AFF1: variants seen among roughly 807,000 people sequenced by gnomAD.
The protein encoded by AFF1 is AF4/FMR2 family member 1.
AFF1 carries 48 observed loss-of-function variants against 121.7 expected under a neutral mutation model. That is an observed-to-expected ratio of 0.39 (90% CI 0.31 to 0.50). The LOEUF is 0.50. AFF1 is among the 20% of genes least tolerant of loss of function. AFF1 has a pLI of 0.76. For synonymous variants in AFF1, 613 were observed against 563.0 expected (o/e 1.09, Z -1.26); for missense variants, 1,523 against 1,511.7 (o/e 1.01, Z -0.12).
chr4:87,056,647 A>G (rs1720173242), intron 4 of AFF1, among the ~76,000 whole-genome samples: 1 of 152,218 alleles, frequency 6.6e-6, no homozygotes, highest in Non-Finnish European at 1.5e-5. Flanking sequence ...AGAAGGATTC[A>G]TATTTTTACA....
intron 2 of AFF1, among the ~76,000 whole-genome samples, chr4:86,969,146 A>G (rs1320176468): frequency 1.4e-5 from 2 of 144,100 alleles, no homozygotes; most frequent in Admixed American, 7.0e-5. Flanking sequence ...TCTTGACCAG[A>G]GGGTGCATTT....
At chr4:87,044,705 C>T (rs971724655) in intron 2 of AFF1, among the ~76,000 whole-genome samples, 2 of 151,996 alleles carry the variant, frequency 1.3e-5, no homozygotes, top group Non-Finnish European at 2.9e-5. Context: ...AGTCATACTT[C>T]CTAGGGAAGC....
At chr4:86,945,760 G>C (rs899427536) in intron 1 of AFF1, among the ~76,000 whole-genome samples, 1 of 151,870 alleles carries the variant, frequency 6.6e-6, no homozygotes, top group East Asian at 1.9e-4. Flanking sequence ...CCAAAGTGTT[G>C]GGATTACAGG....
At position 87,136,756 on chromosome 4, in the gene AFF1, TC is replaced by T; in HGVS notation, c.*1056del. 1 of 227,416 alleles carries T rather than the reference TC, an allele frequency of 4.4e-6. No individual in the cohort carries two copies. The highest frequency in any genetic ancestry group is 6.3e-5 in the East Asian group (1 of 15,784). The allele number at this position is 227,416 out of a possible 1,614,324, so 14.1% of individuals were successfully genotyped here. The stretch of plus-strand genomic sequence containing the variant: ...TCGTCAGTGAACAAGAAACATGAAA[TC>T]TGCTTCTTAGAGAGGCTATATTTTT... On this transcript the variant is annotated 3_prime_UTR_variant, in exon 21 of 21. Coordinates refer to ENST00000395146, the MANE Select transcript of AFF1 (RefSeq NM_001166693.3).
In AFF1 at chr4:87,121,691, A is replaced by G. The variant is rs370452947; in HGVS notation, c.2467-3346A>G. Among the ~76,000 whole-genome samples, 6 of 152,372 alleles carry G rather than the reference A, an allele frequency of 3.9e-5. No homozygotes were observed. The East Asian group carries it at 9.6e-4, about 24-fold the overall frequency. On this transcript the variant is annotated intron_variant, in intron 12 of 20. Coordinates refer to ENST00000395146, the MANE Select transcript of AFF1 (RefSeq NM_001166693.3). ...TTGATGGCTTCCTTTCTACCAGCTTATAGAATATTATCTGCTTCTAGGTTG... is the reference window on the plus strand; with the variant it reads ...TTGATGGCTTCCTTTCTACCAGCTTGTAGAATATTATCTGCTTCTAGGTTG...
At chr4:86,987,813 CATG>C (rs1724404978) in intron 2 of AFF1, among the ~76,000 whole-genome samples, 1 of 151,918 alleles carries the variant, frequency 6.6e-6, no homozygotes, top group Non-Finnish European at 1.5e-5. Context: ...ATTAGCTGGG[CATG>C]GTGGCACACG....
intron 2 of AFF1, among the ~76,000 whole-genome samples, chr4:86,953,782 C>T (rs755023648): frequency 2.6e-5 from 4 of 151,870 alleles, no homozygotes; most frequent in Admixed American, 1.3e-4. Context: ...TGCAATGGCG[C>T]GATCTCGGCT....
At chr4:87,096,163 T>C (rs1458734727) in intron 8 of AFF1, among the ~76,000 whole-genome samples, 1 of 152,160 alleles carries the variant, frequency 6.6e-6, no homozygotes, top group African/African-American at 2.4e-5. Flanking sequence ...TTTTGTTTTT[T>C]TGGTCTGAAA....
chr4:87,036,837 T>TCCCCCCC (rs757984901), intron 2 of AFF1: 5 of 475,360 alleles, frequency 1.1e-5, no homozygotes, highest in Non-Finnish European at 1.7e-5. Flanking sequence ...CCCTCCCCCA[T>TCCCCCCC]CCCCCCTTTT....
intron 2 of AFF1, among the ~76,000 whole-genome samples, chr4:86,950,270 C>G (rs1174276260): frequency 6.6e-6 from 1 of 152,152 alleles, no homozygotes; most frequent in East Asian, 1.9e-4. Context: ...CCTCTGCCTC[C>G]CGGGTTCAAG....
rs59965332 is a variant in AFF1, at chr4:86,987,868, G to A, written c.38+39297G>A. On this transcript the variant is annotated intron_variant, in intron 2 of 20. Coordinates refer to ENST00000395146, the MANE Select transcript of AFF1 (RefSeq NM_001166693.3). Reference sequence around the variant, plus strand: ...CTCGGGAGGCTGAGGTAGGAGGATCGCCTGAGCCCAGGAGGTGGAGATTGC... The same window carrying A: ...CTCGGGAGGCTGAGGTAGGAGGATCACCTGAGCCCAGGAGGTGGAGATTGC... Among the ~76,000 whole-genome samples, 864 of 151,642 alleles carry A rather than the reference G, an allele frequency of 5.7e-3. 10 individuals carry two copies. Among genetic ancestry groups the A allele is most frequent in the African/African-American group, 0.02 (827 of 41,324 alleles).
intron 2 of AFF1, among the ~76,000 whole-genome samples, chr4:87,017,226 TTGAAC>T (rs1390176059): frequency 3.9e-5 from 6 of 152,176 alleles, no homozygotes; most frequent in Non-Finnish European, 7.4e-5. Context: ...TAGCCTAACT[TTGAAC>T]TGATCTAATT....
At chr4:87,118,481 A>C (rs901057242) in intron 12 of AFF1, among the ~76,000 whole-genome samples, 51 of 152,168 alleles carry the variant, frequency 3.4e-4, no homozygotes, top group Non-Finnish European at 8.8e-5. Flanking sequence ...TTTTCTTTTA[A>C]AATTTTTTTA....
intron 7 of AFF1, among the ~76,000 whole-genome samples, chr4:87,094,464 GC>G (rs942197385): frequency 4.6e-5 from 7 of 152,204 alleles, no homozygotes; most frequent in African/African-American, 1.7e-4. Context: ...TGAATGAATT[GC>G]AGGTGGGGAG....
intron 2 of AFF1, among the ~76,000 whole-genome samples, chr4:86,952,599 G>A (rs894046926): frequency 2.6e-5 from 4 of 151,104 alleles, no homozygotes. Flanking sequence ...AAACCTGCAT[G>A]TTCTGCACGT....
intron 2 of AFF1, among the ~76,000 whole-genome samples, chr4:86,960,737 T>C (rs1451313173): frequency 6.6e-6 from 1 of 152,142 alleles, no homozygotes; most frequent in East Asian, 1.9e-4. Flanking sequence ...CAGTAAACTC[T>C]CGTTGTGTAG....
At chr4:87,043,143 C>T (rs770270188) in intron 2 of AFF1, among the ~76,000 whole-genome samples, 1 of 152,094 alleles carries the variant, frequency 6.6e-6, no homozygotes, top group Non-Finnish European at 1.5e-5. Flanking sequence ...TTAGAAGGGG[C>T]GGAGCTCTGC....
chr4:86,972,270 A>G (rs906909541), intron 2 of AFF1, among the ~76,000 whole-genome samples: 1 of 151,522 alleles, frequency 6.6e-6, no homozygotes, highest in Non-Finnish European at 1.5e-5. Flanking sequence ...ATGGTCTGTT[A>G]TAGCTGAGGT....
intron 2 of AFF1, among the ~76,000 whole-genome samples, chr4:86,992,791 G>C (rs1724830295): frequency 6.6e-6 from 1 of 152,156 alleles, no homozygotes; most frequent in Admixed American, 6.5e-5. Context: ...TGTATAAAAT[G>C]ACAAGATTTA....
Sources: gnomAD v4.1 joint callset for allele counts (sites outside exome capture counted in the v4.1 genomes callset) on GRCh38, gnomAD v4.1.1 for gene constraint, MANE v1.5 for transcripts, NCBI Gene and HGNC (gene_info 2026-07-23, HGNC 2026-07-21) for gene names.